The following FAM135B variants were observed in gnomAD, a reference collection of about 807,000 sequenced individuals.
FAM135B encodes protein FAM135B.
FAM135B carries 43 observed loss-of-function variants against 127.7 expected under a neutral mutation model. That is an observed-to-expected ratio of 0.34 (90% CI 0.26 to 0.43). The LOEUF is 0.43. Ranked by LOEUF, FAM135B falls within the 20% of genes least tolerant of loss-of-function variation. The pLI is 1.00. For synonymous variants in FAM135B, 670 were observed against 665.1 expected, an observed-to-expected ratio of 1.01 and a Z score of -0.11; for missense variants, 1,558 against 1,725.6, an observed-to-expected ratio of 0.90 and a Z score of 1.72.
In FAM135B at chr8:138,158,557, A is replaced by C. The variant is rs1819014302; in HGVS notation, c.1259-5341T>G. Among the ~76,000 whole-genome samples the C allele has an allele frequency of 2.6e-5, 4 of 152,258 alleles. No individual in the cohort carries two copies. The South Asian group carries it at 8.3e-4, about 31-fold the overall frequency. Reference sequence around the variant, plus strand: ...AATCTACCCTTCTGACAAAGGGCTAAGATCAAGAATCTACAAAGAACTTAA... The same window carrying C: ...AATCTACCCTTCTGACAAAGGGCTACGATCAAGAATCTACAAAGAACTTAA... On this transcript the variant is annotated intron_variant, in intron 12 of 19. Coordinates refer to ENST00000395297, the MANE Select transcript of FAM135B (RefSeq NM_015912.4).
At chr8:138,339,496 T>C (rs1828891041) in intron 2 of FAM135B, among the ~76,000 whole-genome samples, 1 of 152,100 alleles carries the variant, frequency 6.6e-6, no homozygotes, top group East Asian at 1.9e-4. Flanking sequence ...CAGGGATGTA[T>C]TAGAGTCAGG....
At chr8:138,453,723 G>C (rs1276489581) in intron 1 of FAM135B, among the ~76,000 whole-genome samples, 1 of 152,120 alleles carries the variant, frequency 6.6e-6, no homozygotes, top group Non-Finnish European at 1.5e-5. Context: ...TGATTTTTCA[G>C]AGAGCAGGTC....
rs377403298 is a variant in FAM135B, at chr8:138,152,699, T to C, written c.1776A>G (p.Leu592=). The C allele has an allele frequency of 1.9e-4, 302 of 1,614,072 alleles. No homozygotes were observed. The highest frequency in any genetic ancestry group is 2.5e-4 in the Non-Finnish European group (293 of 1,180,038). ...RDKYGLDRTG[L]SKVVVGGSHQ... Reference sequence around the variant, plus strand: ...GGCTTCCACCTACTACCACTTTGCTTAGCCCAGTCCTGTCTAATCCATACT... The same window carrying C: ...GGCTTCCACCTACTACCACTTTGCTCAGCCCAGTCCTGTCTAATCCATACT... Residue 592 remains leucine (L), a synonymous_variant, in exon 13 of 20, where the codon CTA becomes CTG. Transcript: ENST00000395297.
At chr8:138,374,121 A>C (rs757609486) in intron 1 of FAM135B, among the ~76,000 whole-genome samples, 19 of 152,158 alleles carry the variant, frequency 1.2e-4, no homozygotes, top group Non-Finnish European at 2.5e-4. Context: ...GGCATCACAC[A>C]ACCTATTGAC....
chr8:138,414,676 C>T (rs1232722907), intron 1 of FAM135B, among the ~76,000 whole-genome samples: 1 of 152,048 alleles, frequency 6.6e-6, no homozygotes, highest in Non-Finnish European at 1.5e-5. Context: ...CACTCTTCAA[C>T]CTAAAAACTG....
chr8:138,393,455 GAAA>G (rs201526750), intron 1 of FAM135B, among the ~76,000 whole-genome samples: 1 of 134,690 alleles, frequency 7.4e-6, no homozygotes. Flanking sequence ...CTGTTTTAGT[GAAA>G]AAAAAAAAAA....
chr8:138,211,605 T>C (rs1295242050), intron 7 of FAM135B, among the ~76,000 whole-genome samples: 1 of 152,208 alleles, frequency 6.6e-6, no homozygotes, highest in African/African-American at 2.4e-5. Flanking sequence ...ATTGCAACAT[T>C]CTAAAATTGA....
At chr8:138,226,487 C>T (rs970968927) in intron 7 of FAM135B, among the ~76,000 whole-genome samples, 2 of 152,044 alleles carry the variant, frequency 1.3e-5, no homozygotes, top group Non-Finnish European at 2.9e-5. Flanking sequence ...AGGGGTTGTC[C>T]AGGAAGTGTG....
At chr8:138,268,819 C>G (rs1232960413) in intron 3 of FAM135B, among the ~76,000 whole-genome samples, 1 of 152,168 alleles carries the variant, frequency 6.6e-6, no homozygotes, top group South Asian at 2.1e-4. Flanking sequence ...TTTTAGGCAA[C>G]AAGATTTCTA....
intron 1 of FAM135B, among the ~76,000 whole-genome samples, chr8:138,450,120 G>A (rs542565057): frequency 2.0e-5 from 3 of 152,278 alleles, no homozygotes; most frequent in Admixed American, 6.5e-5. Flanking sequence ...TTTCAGGCTA[G>A]TATCTTTCAC....
chr8:138,402,321 G>T (rs955412143), intron 1 of FAM135B, among the ~76,000 whole-genome samples: 1 of 152,088 alleles, frequency 6.6e-6, no homozygotes, highest in African/African-American at 2.4e-5. Flanking sequence ...TCAGTTTTTC[G>T]TGGGAAATAG....
intron 2 of FAM135B, among the ~76,000 whole-genome samples, chr8:138,334,068 A>C (rs778264180): frequency 6.6e-6 from 1 of 152,254 alleles, no homozygotes; most frequent in Non-Finnish European, 1.5e-5. Flanking sequence ...GATTACATGC[A>C]CACAACACTA....
In FAM135B at chr8:138,151,854, T is replaced by C. The variant is rs191050911; in HGVS notation, c.2621A>G (p.Glu874Gly). The C allele has an allele frequency of 1.1e-4, 178 of 1,614,064 alleles. No individual in the cohort carries two copies. The East Asian group carries it at 3.3e-3, about 30-fold the overall frequency. The change falls in exon 13 of 20, where the codon GAA (glutamate) becomes GGA (glycine). Residue 874 changes from glutamate to glycine, a missense_variant. Glu to Gly is a moderately conservative substitution (Grantham distance 98). This residue lies in a region of FAM135B where 923 missense variants were observed against 865.3 expected (regional missense o/e 1.07). Coordinates refer to ENST00000395297, the MANE Select transcript of FAM135B (RefSeq NM_015912.4). ...TATTTTTAAATTAAGACCTTTGGTT[T>C]CAACACCTGGAGTGTTCTCAGTCCT... ...DGRTENTPGVETKGLNLKIPR... is the reference protein window; with the variant it reads ...DGRTENTPGVGTKGLNLKIPR...
At chr8:138,255,067 T>C (rs1304042670) in intron 5 of FAM135B, among the ~76,000 whole-genome samples, 1 of 147,516 alleles carries the variant, frequency 6.8e-6, no homozygotes, top group Non-Finnish European at 1.5e-5. Flanking sequence ...TCTTGCTCTG[T>C]CACCCAGGCT....
chr8:138,479,497 G>T (rs985727379), intron 1 of FAM135B, among the ~76,000 whole-genome samples: 2 of 152,106 alleles, frequency 1.3e-5, no homozygotes, highest in Admixed American at 6.6e-5. Context: ...CACAAAAGTT[G>T]CTACTTTCAT....
intron 4 of FAM135B, among the ~76,000 whole-genome samples, chr8:138,259,242 G>A (rs1333696090): frequency 1.3e-5 from 2 of 152,084 alleles, no homozygotes; most frequent in East Asian, 1.9e-4. Flanking sequence ...ACTCATAATG[G>A]TGACTCTCTT....
At chr8:138,246,056 T>G (rs1417695811) in intron 6 of FAM135B, among the ~76,000 whole-genome samples, 1 of 152,196 alleles carries the variant, frequency 6.6e-6, no homozygotes, top group African/African-American at 2.4e-5. Flanking sequence ...TGTGGAATTT[T>G]GAACTTGAGA....
Position 138,132,860 on chromosome 8 carries a change from C to T in FAM135B, c.4016-62G>A. ...GAAATTAGCAGTGGAATCTAGAGAA[C>T]ATCACTAGATGTGTGTCGAAATTCT... On this transcript the variant is annotated intron_variant, in intron 19 of 19. Coordinates refer to ENST00000395297, the MANE Select transcript of FAM135B (RefSeq NM_015912.4). The surrounding 1 kb of genome is among the most constrained non-coding windows in gnomAD (Gnocchi z 4.5). 6.9e-7 allele frequency: 1 copy of T among 1,443,688 alleles called. No individual in the cohort carries two copies. The highest frequency in any genetic ancestry group is 1.1e-5 in the South Asian group (1 of 86,988). 89.4% of individuals were successfully genotyped at this position (1,443,688 alleles called of 1,614,324 possible).
intron 9 of FAM135B, among the ~76,000 whole-genome samples, chr8:138,184,236 T>G (rs1212314961): frequency 1.3e-5 from 2 of 152,030 alleles, no homozygotes; most frequent in Non-Finnish European, 2.9e-5. Flanking sequence ...AAATACAAGG[T>G]GTGCAGGAGG....
Sources: allele counts gnomAD v4.1 joint callset (sites outside exome capture counted in the v4.1 genomes callset), GRCh38; gene constraint gnomAD v4.1.1; regional missense constraint gnomAD v4.1.1; non-coding constraint Gnocchi (gnomAD v3.1); transcripts MANE v1.5; gene names NCBI Gene and HGNC (gene_info 2026-07-23, HGNC 2026-07-21).